Variants in DTNBP1 observed in about 807,000 individuals in gnomAD.
The protein encoded by DTNBP1 is dystrobrevin binding protein 1, also known as dysbindin.
Under a neutral mutation model 42.8 loss-of-function variants are expected in DTNBP1, and 35 were observed. The ratio of observed to expected loss-of-function variants is 0.82; its 90% CI spans 0.63 to 1.09. The LOEUF (loss-of-function observed/expected upper bound fraction) is 1.09. DTNBP1 is among the 50% of genes least tolerant of loss of function. The pLI is 0.00. For missense variants in DTNBP1, 457 were observed against 424.2 expected (o/e 1.08, Z -0.68); for synonymous variants, 171 against 162.2 (o/e 1.05, Z -0.41).
chr6:15,624,209 GAA>G (rs2113729334), intron 5 of DTNBP1, among the ~76,000 whole-genome samples: 1 of 152,330 alleles, frequency 6.6e-6, no homozygotes, highest in African/African-American at 2.4e-5. Context: ...TTGCAGACAA[GAA>G]AACTAAAGCT....
At chr6:15,536,130 A>G (rs1773214534) in intron 7 of DTNBP1, among the ~76,000 whole-genome samples, 1 of 152,266 alleles carries the variant, frequency 6.6e-6, no homozygotes, top group Non-Finnish European at 1.5e-5. Context: ...TGTTTACAAG[A>G]AAAGCAAAAC....
rs114527601 is a variant in DTNBP1 at position 15,587,658 on chromosome 6, T to C, written c.511+5401A>G. Reference sequence around the variant, plus strand: ...GGGAAAAGAAGCTCTTTTCAAAAAATAGTTCTAAGGCTTGTGAGGGAGACT... The same window carrying C: ...GGGAAAAGAAGCTCTTTTCAAAAAACAGTTCTAAGGCTTGTGAGGGAGACT... On this transcript the variant is annotated intron_variant, in intron 7 of 9. Transcript: ENST00000344537. The surrounding 1 kb of genome is among the most constrained non-coding windows in gnomAD (Gnocchi z 4.1). Among the ~76,000 whole-genome samples, 903 of 152,260 alleles carry C rather than the reference T, an allele frequency of 5.9e-3. 14 individuals carry two copies. Among genetic ancestry groups the C allele is most frequent in the African/African-American group, 0.021 (857 of 41,542 alleles).
chr6:15,609,297 T>C (rs1758259932), intron 6 of DTNBP1, among the ~76,000 whole-genome samples: 1 of 152,044 alleles, frequency 6.6e-6, no homozygotes, highest in Non-Finnish European at 1.5e-5. Context: ...TGTTCCCATA[T>C]ATCTGAAGCT....
At chr6:15,611,060 G>C (rs909328028) in intron 6 of DTNBP1, among the ~76,000 whole-genome samples, 1 of 152,240 alleles carries the variant, frequency 6.6e-6, no homozygotes, top group Non-Finnish European at 1.5e-5. Context: ...CATAGCTAGA[G>C]AGAGGAAGTC....
At position 15,637,652 on chromosome 6, in the gene DTNBP1, CACAA is replaced by C. The variant is rs1045098330; in HGVS notation, c.222+88_222+91del. ...TCAGATATCCTGCAAAACATTTTGA[CACAA>C]ACAATTATAAATTCAATTTTTAAAA... On this transcript the variant is annotated intron_variant, in intron 4 of 9. Coordinates refer to ENST00000344537, the MANE Select transcript of DTNBP1 (RefSeq NM_032122.5). The C allele has an allele frequency of 1.8e-5, 25 of 1,383,082 alleles. No homozygotes were observed. The African/African-American group carries it at 2.8e-4, about 16-fold the overall frequency. 85.7% of individuals were successfully genotyped at this position (1,383,082 alleles called of 1,614,324 possible).
In DTNBP1 at chr6:15,538,312, T is replaced by TAGCATCCTGGGGCTGAG. The variant is rs1232152916; in HGVS notation, c.512-4934_512-4918dup. ...GGGGCCACGTGGAAAGGAATGTGGG[T>TAGCATCCTGGGGCTGAG]AGCATCCTGGGGCTGAGAGCATCCC... On this transcript the variant is annotated intron_variant, in intron 7 of 9. Transcript: ENST00000344537. Among the ~76,000 whole-genome samples, 3 of 152,178 alleles carry TAGCATCCTGGGGCTGAG rather than the reference T, an allele frequency of 2.0e-5. No individual in the cohort carries two copies. The South Asian group carries it at 6.2e-4, about 32-fold the overall frequency.
intron 7 of DTNBP1, among the ~76,000 whole-genome samples, chr6:15,554,972 CTT>C (rs1049876380): frequency 1.7e-4 from 26 of 151,714 alleles, no homozygotes; most frequent in African/African-American, 6.1e-4. Context: ...GCGGTGGAGT[CTT>C]TTGAAAGGGC....
At chr6:15,557,449 C>A (rs916643265) in intron 7 of DTNBP1, among the ~76,000 whole-genome samples, 1 of 152,024 alleles carries the variant, frequency 6.6e-6, no homozygotes, top group Non-Finnish European at 1.5e-5. Context: ...AATAAAAGCA[C>A]TGCAGGGTTT....
rs75303347 is a variant in DTNBP1 at position 15,627,503 on chromosome 6, T to C, written c.223-28A>G. The C allele has an allele frequency of 2.0e-3, 3,172 of 1,613,202 alleles. 14 individuals carry two copies. Among genetic ancestry groups the C allele is most frequent in the Middle Eastern group, 0.015 (90 of 6,054 alleles). On this transcript the variant is annotated intron_variant, in intron 4 of 9. Transcript: ENST00000344537. Reference sequence around the variant, plus strand: ...GCAGCACACAAGAAGGGGGGTAAAGTGAAACCAGGTTTTAGGCACAAAGAA... The same window carrying C: ...GCAGCACACAAGAAGGGGGGTAAAGCGAAACCAGGTTTTAGGCACAAAGAA...
intron 7 of DTNBP1, among the ~76,000 whole-genome samples, chr6:15,570,144 C>T (rs1306250177): frequency 2.0e-5 from 3 of 151,370 alleles, no homozygotes; most frequent in African/African-American, 4.9e-5. Context: ...ACACCAAATT[C>T]TATGATTTAC....
chr6:15,607,295 G>A (rs887426706), intron 6 of DTNBP1, among the ~76,000 whole-genome samples: 4 of 150,494 alleles, frequency 2.7e-5, no homozygotes, highest in African/African-American at 9.8e-5. Flanking sequence ...CACTGTGCCC[G>A]GCCAAAATAT....
At chr6:15,550,107 T>C (rs2113408802) in intron 7 of DTNBP1, among the ~76,000 whole-genome samples, 1 of 152,274 alleles carries the variant, frequency 6.6e-6, no homozygotes, top group South Asian at 2.1e-4. Flanking sequence ...AATTTACCAT[T>C]AGTGTAATGA....
At chr6:15,530,568 A>G (rs1350472998) in intron 8 of DTNBP1, among the ~76,000 whole-genome samples, 2 of 152,072 alleles carry the variant, frequency 1.3e-5, no homozygotes, top group Non-Finnish European at 2.9e-5. Context: ...CTAGCTGTGG[A>G]GCAACTGCAG....
intron 6 of DTNBP1, among the ~76,000 whole-genome samples, chr6:15,597,268 G>A (rs1280144107): frequency 6.6e-6 from 1 of 152,166 alleles, no homozygotes; most frequent in Non-Finnish European, 1.5e-5. Flanking sequence ...AAGAAGAGAG[G>A]ACAACTCATA....
At chr6:15,542,395 C>T (rs188454228) in intron 7 of DTNBP1, among the ~76,000 whole-genome samples, 12 of 152,010 alleles carry the variant, frequency 7.9e-5, no homozygotes, top group East Asian at 3.9e-4. Context: ...TTTTTTTAGA[C>T]GGAATCTCAC....
chr6:15,580,177 A>C (rs536738671), intron 7 of DTNBP1, among the ~76,000 whole-genome samples: 25 of 152,354 alleles, frequency 1.6e-4, no homozygotes, highest in Admixed American at 1.5e-3. Context: ...AAGCAAAAAC[A>C]GTTCATAACA....
At chr6:15,640,037 C>G (rs1760252308) in intron 3 of DTNBP1, among the ~76,000 whole-genome samples, 1 of 152,178 alleles carries the variant, frequency 6.6e-6, no homozygotes, top group South Asian at 2.1e-4. Context: ...CTAGTTCATT[C>G]ATGATTTTCC....
At chr6:15,660,977 T>C (rs1435207839) in intron 1 of DTNBP1, among the ~76,000 whole-genome samples, 2 of 152,112 alleles carry the variant, frequency 1.3e-5, no homozygotes, top group African/African-American at 4.8e-5. Flanking sequence ...GAAGGTACTT[T>C]TACTAAATAG....
At chr6:15,524,244 T>G (rs1031418270) in intron 9 of DTNBP1, 1 of 1,578,810 alleles carries the variant, frequency 6.3e-7, no homozygotes, top group Non-Finnish European at 8.6e-7. Flanking sequence ...CAAATGGATT[T>G]CTGGGTGGTA....
Sources: allele counts gnomAD v4.1 joint callset (sites outside exome capture counted in the v4.1 genomes callset), GRCh38; gene constraint gnomAD v4.1.1; non-coding constraint Gnocchi (gnomAD v3.1); transcripts MANE v1.5; gene names NCBI Gene and HGNC (gene_info 2026-07-23, HGNC 2026-07-21).